Variants in SLC6A17 observed in about 807,000 individuals in gnomAD.
The protein encoded by SLC6A17 is sodium-dependent neutral amino acid transporter SLC6A17.
A neutral mutation model predicts 64.5 loss-of-function variants in SLC6A17; 21 were observed. The ratio of observed to expected loss-of-function variants is 0.33; its 90% CI spans 0.23 to 0.47. The LOEUF (loss-of-function observed/expected upper bound fraction) is 0.47, where lower values mean the gene tolerates loss of function less well. SLC6A17 is among the 20% of genes least tolerant of loss of function. The pLI, the probability that SLC6A17 is intolerant of heterozygous loss-of-function variation, is 1.00. For missense variants in SLC6A17, 682 were observed against 963.2 expected (o/e 0.71, Z 3.86); for synonymous variants, 372 against 399.5 (o/e 0.93, Z 0.82).
chr1:110,174,975 G>T lies in SLC6A17; in HGVS notation c.753+15G>T. On this transcript the variant is annotated intron_variant, in intron 5 of 11. Transcript: ENST00000331565. ...CCTCGGGGAAGGTGAGTGCTGAGGG[G>T]GGCACCCAGGACCCAAATGGGGAAC... is the stretch of plus-strand genomic sequence containing the variant. The T allele has an allele frequency of 6.2e-7, 1 of 1,608,544 alleles. No individual in the cohort carries two copies. The highest frequency in any genetic ancestry group is 8.5e-7 in the Non-Finnish European group (1 of 1,176,384).
chr1:110,182,726 A>G lies in SLC6A17; in HGVS notation c.864+5987A>G, dbSNP rs147256246. Among the ~76,000 whole-genome samples, 329 of 152,116 alleles carry G rather than the reference A, an allele frequency of 2.2e-3. 1 individual carries two copies. The highest frequency in any genetic ancestry group is 7.8e-3 in the African/African-American group (322 of 41,472). On this transcript the variant is annotated intron_variant, in intron 6 of 11. Transcript: ENST00000331565. ...CAATCAGCCATGTCCAAAGCTGCTG[A>G]GAGGTCAGGTGATGAGGTCTGAGAA...
intron 5 of SLC6A17, 67 bp from the exon 6 acceptor site, chr1:110,176,562 G>A: frequency 6.9e-7 from 1 of 1,455,860 alleles, no homozygotes. Flanking sequence ...CCAGATGTGA[G>A]CAGGGATGGG....
At chr1:110,188,310 T>C (rs1656738536) in intron 6 of SLC6A17, among the ~76,000 whole-genome samples, 2 of 152,216 alleles carry the variant, frequency 1.3e-5, no homozygotes, top group Admixed American at 1.3e-4. Context: ...CATCTTACTT[T>C]AAAAACCAGA....
chr1:110,197,823 A>G lies in SLC6A17; in HGVS notation c.1815+224A>G, dbSNP rs911771060. Among the ~76,000 whole-genome samples, 20 of 152,244 alleles carry G rather than the reference A, an allele frequency of 1.3e-4. 1 individual carries two copies. On this transcript the variant is annotated intron_variant, in intron 11 of 11. Transcript: ENST00000331565. The stretch of plus-strand genomic sequence containing the variant: ...CTCAGAAAGATTAATGCACTTATCC[A>G]GTCTTTCTAACCCATATTCTCTCTC...
rs1005074408 is a variant in SLC6A17, at chr1:110,161,753, C to G, written c.-87-5090C>G. Reference sequence around the variant, plus strand: ...GCTGCCTTCATCATTACAAAAGTGCCCCTCTTCCCTTCTCCTCCTCCCCGG... The same window carrying G: ...GCTGCCTTCATCATTACAAAAGTGCGCCTCTTCCCTTCTCCTCCTCCCCGG... On this transcript the variant is annotated intron_variant, in intron 1 of 11. Coordinates refer to ENST00000331565, the MANE Select transcript of SLC6A17 (RefSeq NM_001010898.4). 2.0e-5 allele frequency among the ~76,000 whole-genome samples: 3 copies of G among 152,156 alleles called. No homozygotes were observed. The South Asian group carries it at 6.2e-4, about 31-fold the overall frequency.
intron 1 of SLC6A17, among the ~76,000 whole-genome samples, chr1:110,154,257 G>C (rs1457793928): frequency 3.9e-5 from 6 of 152,192 alleles, no homozygotes; most frequent in Non-Finnish European, 8.8e-5. Context: ...GTTCAGAGAG[G>C]TTAAATAATT....
At chr1:110,195,393 TC>T (rs1400647404) in intron 9 of SLC6A17, among the ~76,000 whole-genome samples, 192 bp from the exon 10 acceptor site, 3 of 152,204 alleles carry the variant, frequency 2.0e-5, no homozygotes. Flanking sequence ...CCTCAGGTGC[TC>T]CCCGACTAGT....
rs576076823 is a variant in SLC6A17 at position 110,165,089 on chromosome 1, C to T, written c.-87-1754C>T. Among the ~76,000 whole-genome samples the T allele has an allele frequency of 1.7e-4, 26 of 152,234 alleles. No homozygotes were observed. The East Asian group carries it at 1.9e-3, about 11-fold the overall frequency. On this transcript the variant is annotated intron_variant, in intron 1 of 11. Transcript: ENST00000331565. ...AGCTCTGTATGTAAGCTGTAGGGGACGGGGAGATGCCTTGACAGGCAGCCG... is the reference window on the plus strand; with the variant it reads ...AGCTCTGTATGTAAGCTGTAGGGGATGGGGAGATGCCTTGACAGGCAGCCG...
chr1:110,185,860 G>A (rs779548465), intron 6 of SLC6A17, among the ~76,000 whole-genome samples: 3 of 152,256 alleles, frequency 2.0e-5, no homozygotes, highest in Non-Finnish European at 4.4e-5. Context: ...TTAGCACTGG[G>A]CATCTGTGGT....
intron 1 of SLC6A17, 123 bp from the exon 2 acceptor site, chr1:110,166,720 A>G: frequency 1.9e-6 from 1 of 534,832 alleles, no homozygotes; most frequent in Non-Finnish European, 3.2e-6. Context: ...GGCAAGCTGC[A>G]TATATGAGGC....
At chr1:110,172,462 A>G (rs2101847014) in intron 3 of SLC6A17, 1 of 515,068 alleles carries the variant, frequency 1.9e-6, no homozygotes, top group South Asian at 2.4e-5. Flanking sequence ...CTAAGGAGGA[A>G]AAGCTGGGAC....
At chr1:110,152,128 T>C (rs1570973580) in intron 1 of SLC6A17, among the ~76,000 whole-genome samples, 1 of 152,344 alleles carries the variant, frequency 6.6e-6, no homozygotes, top group South Asian at 2.1e-4. Flanking sequence ...TGTGTCTCGT[T>C]CTGTGCTTAC....
chr1:110,166,196 A>G (rs116106394), intron 1 of SLC6A17: 5,800 of 152,314 alleles, frequency 0.038, 172 homozygotes, highest in Non-Finnish European at 0.06. Flanking sequence ...CAGAATCTTT[A>G]GCTGAGCCTG....
In SLC6A17 at chr1:110,195,686, A is replaced by G; in HGVS notation, c.1593A>G (p.Pro531=). ...TCGATGACTACTCGGCCACCCTGCCACTCACTCTCATCGTCATCCTTGAGA... is the reference window on the plus strand; with the variant it reads ...TCGATGACTACTCGGCCACCCTGCCGCTCACTCTCATCGTCATCCTTGAGA... ...TMFDDYSATL[P]LTLIVILENI... Residue 531 remains proline (P), a synonymous_variant, in exon 10 of 12, where the codon CCA becomes CCG. Coordinates refer to ENST00000331565, the MANE Select transcript of SLC6A17 (RefSeq NM_001010898.4). 1 of 1,614,170 alleles carries G rather than the reference A, an allele frequency of 6.2e-7. No homozygotes were observed. Among genetic ancestry groups the G allele is most frequent in the Non-Finnish European group, 8.5e-7 (1 of 1,180,028 alleles).
At chr1:110,154,057 G>A (rs1158466647) in intron 1 of SLC6A17, among the ~76,000 whole-genome samples, 3 of 152,228 alleles carry the variant, frequency 2.0e-5, no homozygotes, top group African/African-American at 7.2e-5. Flanking sequence ...CATGCTTTTA[G>A]GAGGGGTGAG....
At chr1:110,191,015 G>A (rs1656811625) in intron 6 of SLC6A17, among the ~76,000 whole-genome samples, 1 of 152,170 alleles carries the variant, frequency 6.6e-6, no homozygotes, top group Non-Finnish European at 1.5e-5. Flanking sequence ...CTGTCCTGAC[G>A]AGGTCAGCCT....
chr1:110,164,271 T>C (rs1159191804), intron 1 of SLC6A17, among the ~76,000 whole-genome samples: 1 of 152,196 alleles, frequency 6.6e-6, no homozygotes, highest in African/African-American at 2.4e-5. Flanking sequence ...CCACACCCAG[T>C]GATCTTCTCC....
At chr1:110,172,369 GT>G in intron 3 of SLC6A17, 152 bp downstream of exon 3, 2 of 990,926 alleles carry the variant, frequency 2.0e-6, no homozygotes, top group Non-Finnish European at 2.9e-6. Flanking sequence ...CACAGCTGGG[GT>G]TCCAGGACCC....
rs79592898 is a variant in SLC6A17, at chr1:110,194,388, C to T, written c.1300-191C>T. Among the ~76,000 whole-genome samples, 33 of 152,288 alleles carry T rather than the reference C, an allele frequency of 2.2e-4. No individual in the cohort carries two copies. In the East Asian group the frequency reaches 5.4e-3, roughly 25 times the overall value. ...CTCCCAAGTTGGTGTTTTTGAGCTA[C>T]GTCTAGGGGATTCCAATGCCTGCTA... On this transcript the variant is annotated intron_variant, in intron 8 of 11. Transcript: ENST00000331565.
Sources: allele counts gnomAD v4.1 joint callset (sites outside exome capture counted in the v4.1 genomes callset), GRCh38; gene constraint gnomAD v4.1.1; transcripts MANE v1.5; gene names NCBI Gene and HGNC (gene_info 2026-07-23, HGNC 2026-07-21).